Variants in IGSF21 observed in about 807,000 individuals in gnomAD.
IGSF21 encodes immunoglobulin superfamily member 21.
In IGSF21, 28 loss-of-function variants were observed where a neutral mutation model predicts 46.8. The ratio of observed to expected loss-of-function variants is 0.60; its 90% CI spans 0.44 to 0.82. The LOEUF is 0.82. Ranked by LOEUF, IGSF21 falls within the 40% of genes least tolerant of loss-of-function variation. IGSF21 has a pLI of 0.00. For synonymous variants in IGSF21, 284 were observed against 273.6 expected (o/e 1.04, Z -0.38); for missense variants, 624 against 665.5 (o/e 0.94, Z 0.69).
intron 4 of IGSF21, among the ~76,000 whole-genome samples, chr1:18,356,945 G>T (rs1405960501): frequency 6.6e-6 from 1 of 151,668 alleles, no homozygotes; most frequent in Admixed American, 6.6e-5. Flanking sequence ...GATGGGGAGG[G>T]ATGGAAATGG....
chr1:18,360,156 C>T (rs1022369488), intron 4 of IGSF21, among the ~76,000 whole-genome samples: 2 of 152,098 alleles, frequency 1.3e-5, no homozygotes, highest in African/African-American at 4.8e-5. Context: ...TCCAGGTTTT[C>T]GGTTGAGTTT....
intron 3 of IGSF21, among the ~76,000 whole-genome samples, chr1:18,331,335 A>G (rs1182084969): frequency 2.0e-5 from 3 of 151,434 alleles, no homozygotes; most frequent in Non-Finnish European, 4.4e-5. Context: ...CTTAGCTCCC[A>G]CTTATGCATG....
chr1:18,304,834 T>C (rs576860713), intron 3 of IGSF21, among the ~76,000 whole-genome samples: 53 of 152,350 alleles, frequency 3.5e-4, no homozygotes, highest in Middle Eastern at 3.4e-3. Context: ...TTGCTGGTAT[T>C]TAAAAAAATT....
chr1:18,286,612 C>T (rs956931992), intron 2 of IGSF21, among the ~76,000 whole-genome samples: 3 of 152,204 alleles, frequency 2.0e-5, no homozygotes, highest in South Asian at 2.1e-4. Flanking sequence ...AGCCTCACAT[C>T]GGAGGTGGTC....
chr1:18,275,165 C>T (rs1319385463), intron 2 of IGSF21, among the ~76,000 whole-genome samples: 4 of 152,186 alleles, frequency 2.6e-5, no homozygotes, highest in Non-Finnish European at 5.9e-5. Flanking sequence ...CTGCAGAGCC[C>T]TTGTAGGCAC....
At chr1:18,320,449 A>AT (rs1476571127) in intron 3 of IGSF21, among the ~76,000 whole-genome samples, 1 of 152,106 alleles carries the variant, frequency 6.6e-6, no homozygotes, top group East Asian at 1.9e-4. Context: ...CGGAGTTTCA[A>AT]TTTTCCACTG....
intron 1 of IGSF21, among the ~76,000 whole-genome samples, chr1:18,223,253 C>T (rs1336501411): frequency 5.3e-5 from 8 of 152,254 alleles, no homozygotes; most frequent in Admixed American, 5.2e-4. Context: ...CAGTCCTTTC[C>T]CCACTCACCT....
intron 2 of IGSF21, among the ~76,000 whole-genome samples, chr1:18,236,985 G>A (rs1018431555): frequency 1.3e-5 from 2 of 152,170 alleles, no homozygotes; most frequent in African/African-American, 4.8e-5. Context: ...ATTTTGTCTA[G>A]TAAAGAGTTT....
intron 2 of IGSF21, among the ~76,000 whole-genome samples, chr1:18,256,773 C>T (rs1008486404): frequency 3.3e-5 from 5 of 152,188 alleles, no homozygotes; most frequent in Admixed American, 3.3e-4. Flanking sequence ...GGGGAGGAGA[C>T]ATCCCAGCCG....
chr1:18,359,303 GAAAA>G (rs1337661810), intron 4 of IGSF21, among the ~76,000 whole-genome samples: 2 of 111,152 alleles, frequency 1.8e-5, no homozygotes, highest in African/African-American at 7.0e-5. Context: ...AAAAGAAAAA[GAAAA>G]GAAAGAAAGA....
intron 1 of IGSF21, among the ~76,000 whole-genome samples, chr1:18,221,996 G>A (rs574560040): frequency 6.6e-6 from 1 of 152,220 alleles, no homozygotes; most frequent in African/African-American, 2.4e-5. Context: ...GGAAACTGAG[G>A]CCCAGGAAGA....
At chr1:18,149,684 T>C (rs950936140) in intron 1 of IGSF21, among the ~76,000 whole-genome samples, 4 of 151,900 alleles carry the variant, frequency 2.6e-5, no homozygotes, top group Non-Finnish European at 5.9e-5. Context: ...GGTGTTTTTC[T>C]GAGGCTTCCT....
chr1:18,246,411 G>A (rs2084784235), intron 2 of IGSF21, among the ~76,000 whole-genome samples: 1 of 152,020 alleles, frequency 6.6e-6, no homozygotes, highest in Admixed American at 6.6e-5. Context: ...AGCCCTATGA[G>A]CGTGTATCTT....
At position 18,338,843 on chromosome 1, in the gene IGSF21, C is replaced by T. The variant is rs115761135; in HGVS notation, c.424+3833C>T. Among the ~76,000 whole-genome samples the T allele has an allele frequency of 4.8e-3, 730 of 151,064 alleles. 4 individuals carry two copies. Among genetic ancestry groups the T allele is most frequent in the African/African-American group, 0.017 (702 of 40,982 alleles). On this transcript the variant is annotated intron_variant, in intron 4 of 9. Transcript: ENST00000251296. ...AAAGTTGCGTGCTGGGCCCCAGGAA[C>T]GCATTATACACAGTCATGGAAGGAT... is the stretch of plus-strand genomic sequence containing the variant.
chr1:18,332,183 G>A (rs1557647427), intron 3 of IGSF21, among the ~76,000 whole-genome samples: 1 of 152,156 alleles, frequency 6.6e-6, no homozygotes, highest in African/African-American at 2.4e-5. Context: ...CACCTGTGTC[G>A]CTATCCTATA....
intron 4 of IGSF21, among the ~76,000 whole-genome samples, chr1:18,339,889 C>T (rs2085813800): frequency 6.6e-6 from 1 of 152,146 alleles, no homozygotes; most frequent in Non-Finnish European, 1.5e-5. Context: ...GTTCTCTCAT[C>T]CACTGCTATC....
intron 1 of IGSF21, among the ~76,000 whole-genome samples, chr1:18,199,628 G>A (rs148876569): frequency 1.5e-4 from 23 of 152,136 alleles, no homozygotes; most frequent in African/African-American, 3.6e-4. Context: ...GCCTCTCCTC[G>A]GTGGCTGCGG....
chr1:18,355,459 C>T (rs1378405315), intron 4 of IGSF21, among the ~76,000 whole-genome samples: 1 of 152,180 alleles, frequency 6.6e-6, no homozygotes, highest in Non-Finnish European at 1.5e-5. Context: ...ATAACTTCAA[C>T]TCCTGCCTCC....
intron 1 of IGSF21, among the ~76,000 whole-genome samples, chr1:18,204,686 C>T (rs1480654021): frequency 1.3e-5 from 2 of 152,136 alleles, no homozygotes; most frequent in Non-Finnish European, 2.9e-5. Context: ...TGGAGCATGA[C>T]AGCTGGCTTC....
Sources: allele counts gnomAD v4.1 joint callset (sites outside exome capture counted in the v4.1 genomes callset), GRCh38; gene constraint gnomAD v4.1.1; transcripts MANE v1.5; gene names NCBI Gene and HGNC (gene_info 2026-07-23, HGNC 2026-07-21).